Variants in ALOX12 observed in about 807,000 individuals in gnomAD.
ALOX12 encodes arachidonate 12-lipoxygenase, 12S type.
In ALOX12, 62 loss-of-function variants were observed where a neutral mutation model predicts 85.5. The ratio of observed to expected loss-of-function variants is 0.73; its 90% confidence interval spans 0.59 to 0.90. ALOX12 has a LOEUF of 0.90. ALOX12 is among the 40% of genes least tolerant of loss of function. The pLI is 0.00. For synonymous variants in ALOX12, 299 were observed against 332.7 expected, an observed-to-expected ratio of 0.90 and a Z score of 1.10; for missense variants, 751 against 856.5, an observed-to-expected ratio of 0.88 and a Z score of 1.54.
In ALOX12 at chr17:7,000,404, G is replaced by A. The variant is rs781314504; in HGVS notation, c.876G>A (p.Glu292=). 3 of 1,614,072 alleles carry A rather than the reference G, an allele frequency of 1.9e-6. No individual in the cohort carries two copies. The East Asian group carries it at 6.7e-5, about 36-fold the overall frequency. Residue 292 remains glutamate (E), a synonymous_variant, in exon 7 of 14, where the codon GAG becomes GAA. Coordinates refer to ENST00000251535, the MANE Select transcript of ALOX12 (RefSeq NM_000697.3). The surrounding 1 kb of genome is among the most constrained non-coding windows in gnomAD (Gnocchi z 4.6). ...DGIPANVIRG[E]KQYLAAPLVM... ...TTCCAGCCAACGTGATCCGAGGAGAGAAGCAATACCTGGCTGCCCCCCTCG... is the reference window on the plus strand; with the variant it reads ...TTCCAGCCAACGTGATCCGAGGAGAAAAGCAATACCTGGCTGCCCCCCTCG...
intron 1 of ALOX12, among the ~76,000 whole-genome samples, chr17:6,996,468 C>T (rs1908443834): frequency 6.6e-6 from 1 of 152,076 alleles, no homozygotes; most frequent in Admixed American, 6.5e-5. Context: ...TCTCCCTTTC[C>T]CGCCCCTGGT....
chr17:6,999,513 G>A, intron 6 of ALOX12, 47 bp downstream of exon 6: 2 of 1,596,048 alleles, frequency 1.3e-6, no homozygotes, highest in Non-Finnish European at 1.7e-6. Context: ...TTAGTAGTGT[G>A]GTGAGAACGG....
At chr17:7,002,512 G>A (rs749753447) in intron 8 of ALOX12, 8 of 469,012 alleles carry the variant, frequency 1.7e-5, no homozygotes, top group Non-Finnish European at 3.1e-5. Context: ...TAAGAGCTGG[G>A]TGTGGTGGTT....
intron 2 of ALOX12, among the ~76,000 whole-genome samples, chr17:6,997,764 A>G (rs1019221496): frequency 2.0e-5 from 3 of 151,864 alleles, no homozygotes; most frequent in East Asian, 1.9e-4. Flanking sequence ...GTTTCACCGT[A>G]TTAGCCAGGA....
chr17:7,005,465 T>C (rs1908989401), intron 9 of ALOX12, 122 bp downstream of exon 9: 4 of 609,172 alleles, frequency 6.6e-6, no homozygotes, highest in African/African-American at 2.0e-5. Flanking sequence ...GTCCCTTTTA[T>C]ACCCATGTCT....
rs1908554962 is a variant in ALOX12, at chr17:6,998,494, TTGA to T, written c.338-12_338-10del. 1 of 1,597,710 alleles carries T rather than the reference TTGA, an allele frequency of 6.3e-7. No individual in the cohort carries two copies. The highest frequency in any genetic ancestry group is 2.2e-5 in the East Asian group (1 of 44,760). On this transcript the variant is annotated splice_polypyrimidine_tract_variant and intron_variant, in intron 2 of 13. Transcript: ENST00000251535. Reference sequence around the variant, plus strand: ...AGACAGAGCCGTGAGGCCAATTGTCTTGATGTCTCCCCAGCCCGCCTGCCAGGA... The same window carrying T: ...AGACAGAGCCGTGAGGCCAATTGTCTTGTCTCCCCAGCCCGCCTGCCAGGA...
At chr17:7,007,556 C>G (rs1244320220) in intron 11 of ALOX12, among the ~76,000 whole-genome samples, 1 of 152,206 alleles carries the variant, frequency 6.6e-6, no homozygotes, top group Non-Finnish European at 1.5e-5. Flanking sequence ...CTTCTCAGTA[C>G]AGTCCCTTAG....
intron 11 of ALOX12, among the ~76,000 whole-genome samples, chr17:7,008,885 A>C (rs1909229940): frequency 6.6e-6 from 1 of 152,150 alleles, no homozygotes; most frequent in Non-Finnish European, 1.5e-5. Flanking sequence ...TAACGCAGAC[A>C]CTTGTAATTC....
chr17:7,003,714 C>T (rs201402865), intron 8 of ALOX12, among the ~76,000 whole-genome samples: 3 of 152,286 alleles, frequency 2.0e-5, no homozygotes, highest in East Asian at 1.9e-4. Context: ...AGGCACATGC[C>T]GCCACACCCA....
chr17:7,006,634 A>C, intron 11 of ALOX12, 27 bp downstream of exon 11: 1 of 1,538,386 alleles, frequency 6.5e-7, no homozygotes, highest in Non-Finnish European at 8.8e-7. Context: ...AGACAGAAGA[A>C]GCTCCTGGGA....
Position 7,001,651 on chromosome 17 carries a change from C to T in ALOX12, c.1001C>T (p.Ser334Leu), listed in dbSNP as rs1450961786. 9.3e-6 allele frequency: 15 copies of T among 1,614,098 alleles called. No homozygotes were observed. Among genetic ancestry groups the T allele is most frequent in the Non-Finnish European group, 1.3e-5 (15 of 1,180,046 alleles). Residue 334 changes from serine (S) to leucine (L), a missense_variant, in exon 8 of 14, where the codon TCA (serine) becomes TTA (leucine). Physicochemically the swap from Ser to Leu is moderately radical, Grantham distance 145 (BLOSUM62 -2). Coordinates refer to ENST00000251535, the MANE Select transcript of ALOX12 (RefSeq NM_000697.3). ...SSPTPTLFLP[S>L]DPPLAWLLAK... ...CCAACCCCAACACTGTTCCTGCCCT[C>T]AGACCCCCCACTTGCCTGGCTCCTG... is the stretch of plus-strand genomic sequence containing the variant.
chr17:6,996,634 T>C (rs1366938235), intron 1 of ALOX12, among the ~76,000 whole-genome samples, 192 bp from the exon 2 acceptor site: 1 of 152,086 alleles, frequency 6.6e-6, no homozygotes, highest in Non-Finnish European at 1.5e-5. Context: ...CTCCAGGCGC[T>C]GCGGGCCCTC....
At position 6,998,823 on chromosome 17, in the gene ALOX12, G is replaced by A; in HGVS notation, c.528G>A (p.Trp176Ter). The A allele has an allele frequency of 6.2e-7, 1 of 1,614,208 alleles. No homozygotes were observed. The highest frequency in any genetic ancestry group is 1.1e-5 in the South Asian group (1 of 91,084). ...AGGAGAAGAGGCTGGACTTTGAATG[G>A]ACACTGAAGGCAGGGTGAGAAAAAG... ...FHEEKRLDFE[W>*]TLKAGALEMA... The change falls in exon 4 of 14, where the codon TGG becomes TGA. Residue 176 changes from tryptophan to a stop codon, truncating the protein, a stop_gained. Coordinates refer to ENST00000251535, the MANE Select transcript of ALOX12 (RefSeq NM_000697.3). LOFTEE classifies it high-confidence loss of function.
chr17:6,997,256 T>A, intron 2 of ALOX12: 1 of 550,314 alleles, frequency 1.8e-6, no homozygotes, highest in Non-Finnish European at 2.3e-6. Context: ...AGGGAGTAAG[T>A]GATCTGGAGA....
chr17:7,004,217 ATTAAT>A lies in ALOX12; in HGVS notation c.1162-1029_1162-1025del, dbSNP rs896491306. 4.6e-3 allele frequency among the ~76,000 whole-genome samples: 536 copies of A among 116,470 alleles called. 4 individuals are homozygous for A. Among genetic ancestry groups the A allele is most frequent in the African/African-American group, 0.015 (493 of 33,594 alleles). 76.4% of individuals were successfully genotyped at this position (116,470 alleles called of 152,430 possible). On this transcript the variant is annotated intron_variant, in intron 8 of 13. Coordinates refer to ENST00000251535, the MANE Select transcript of ALOX12 (RefSeq NM_000697.3). The stretch of plus-strand genomic sequence containing the variant: ...TTTAAATTTTTAATTTTAATATTAA[ATTAAT>A]TTAATTTAATATTAATTTAACTTAA...
Position 7,006,058 on chromosome 17 carries a change from G to GT in ALOX12, c.1418+31_1418+32insT, listed in dbSNP as rs1567719891. On this transcript the variant is annotated intron_variant, in intron 10 of 13. Transcript: ENST00000251535. ...TAAGGAGGAGCTGAGAAATGGTGGG[G>GT]CCGGGGGGGGGGGGGGCTCTGGCCT... 5 of 155,396 alleles carry GT rather than the reference G, an allele frequency of 3.2e-5. 1 individual carries two copies. The highest frequency in any genetic ancestry group is 1.2e-4 in the African/African-American group (2 of 16,960). 9.6% of individuals were successfully genotyped at this position (155,396 alleles called of 1,614,324 possible).
At position 7,005,583 on chromosome 17, in the gene ALOX12, C is replaced by T. The variant is rs1909000556; in HGVS notation, c.1248+240C>T. On this transcript the variant is annotated intron_variant, in intron 9 of 13. Coordinates refer to ENST00000251535, the MANE Select transcript of ALOX12 (RefSeq NM_000697.3). ...GCCATCTCCGCCTCCTGGGTTCAAGCGATTCTCCTGCCTCAGCCTCCCGAG... is the reference window on the plus strand; with the variant it reads ...GCCATCTCCGCCTCCTGGGTTCAAGTGATTCTCCTGCCTCAGCCTCCCGAG... Among the ~76,000 whole-genome samples, 3 of 144,576 alleles carry T rather than the reference C, an allele frequency of 2.1e-5. No individual in the cohort carries two copies. 94.8% of individuals were successfully genotyped at this position (144,576 alleles called of 152,430 possible).
At chr17:7,006,112 G>A (rs1909057529) in intron 10 of ALOX12, 85 bp downstream of exon 10, 35 of 999,434 alleles carry the variant, frequency 3.5e-5, no homozygotes, top group Non-Finnish European at 4.8e-5. Flanking sequence ...AAGCAAGAAG[G>A]TCCAGAAAGG....
chr17:6,997,128 A>G, intron 2 of ALOX12, 101 bp downstream of exon 2: 3 of 1,443,196 alleles, frequency 2.1e-6, no homozygotes, highest in Non-Finnish European at 1.8e-6. Flanking sequence ...TAGAGGATGT[A>G]TGGGCCCAGG....
Sources: allele counts gnomAD v4.1 joint callset (sites outside exome capture counted in the v4.1 genomes callset), GRCh38; gene constraint gnomAD v4.1.1; non-coding constraint Gnocchi (gnomAD v3.1); transcripts MANE v1.5; gene names NCBI Gene and HGNC (gene_info 2026-07-23, HGNC 2026-07-21).